Variants in SMIM45 observed in about 807,000 individuals in gnomAD.
SMIM45 encodes the protein small integral membrane protein 45, also known as long intergenic non-protein coding RNA 634.
chr22:41,947,840 G>C, the SMIM45 span, among the ~76,000 whole-genome samples: 1 of 152,026 alleles, frequency 6.6e-6, no homozygotes. Flanking sequence ...TGGCCATGTT[G>C]CCCAGGTGGG....
At chr22:41,950,078 C>A in the SMIM45 span, among the ~76,000 whole-genome samples, 1 of 151,532 alleles carries the variant, frequency 6.6e-6, no homozygotes, top group Non-Finnish European at 1.5e-5. Context: ...CCCCCACCCC[C>A]ACCCAACCAT....
the SMIM45 span, chr22:41,952,130 T>A: frequency 6.6e-6 from 1 of 152,364 alleles, no homozygotes. Context: ...ATCCTGAGAG[T>A]GGGGGCTAGG....
the SMIM45 span, among the ~76,000 whole-genome samples, chr22:41,950,433 C>T: frequency 3.3e-5 from 5 of 152,358 alleles, no homozygotes; most frequent in South Asian, 2.1e-4. Flanking sequence ...GGTGGTGGCT[C>T]ACGCCTGTAA....
chr22:41,954,945 G>A, the SMIM45 span, among the ~76,000 whole-genome samples: 2 of 151,948 alleles, frequency 1.3e-5, no homozygotes, highest in Non-Finnish European at 2.9e-5. Context: ...TGGAGCTTGC[G>A]GTGAGCCGAG....
At chr22:41,951,167 G>A in the SMIM45 span, among the ~76,000 whole-genome samples, 1 of 152,240 alleles carries the variant, frequency 6.6e-6, no homozygotes, top group Non-Finnish European at 1.5e-5. Context: ...AGGTTTCTGG[G>A]AACGGATTCC....
chr22:41,949,999 G>A, the SMIM45 span, among the ~76,000 whole-genome samples: 1 of 151,692 alleles, frequency 6.6e-6, no homozygotes, highest in African/African-American at 2.4e-5. Context: ...ATCGGCTTCT[G>A]TGGAGCCCTG....
At chr22:41,947,157 C>G in the SMIM45 span, 2 of 1,373,826 alleles carry the variant, frequency 1.5e-6, no homozygotes, top group Non-Finnish European at 1.0e-6. Flanking sequence ...TAGAGCGCGG[C>G]CTGGGGGCAC....
chr22:41,953,947 T>A, the SMIM45 span, among the ~76,000 whole-genome samples: 1 of 149,764 alleles, frequency 6.7e-6, no homozygotes, highest in African/African-American at 2.5e-5. Flanking sequence ...AGACGGGGTT[T>A]CACCGTGTTA....
chr22:41,958,696 G>A, the SMIM45 span: 3 of 243,212 alleles, frequency 1.2e-5, no homozygotes, highest in Non-Finnish European at 1.7e-5. Context: ...CCCCAAGACT[G>A]TGGCAGCAGG....
chr22:41,956,530 A>G, the SMIM45 span, among the ~76,000 whole-genome samples: 1 of 152,224 alleles, frequency 6.6e-6, no homozygotes, highest in African/African-American at 2.4e-5. Flanking sequence ...TCTCAGGGGC[A>G]GGTGCTGGCA....
At chr22:41,958,035 G>A in the SMIM45 span, 3 of 225,072 alleles carry the variant, frequency 1.3e-5, no homozygotes, top group African/African-American at 5.5e-5. Context: ...GGGCCCTCCC[G>A]ACAGAGGCCC....
chr22:41,952,998 T>C, the SMIM45 span, among the ~76,000 whole-genome samples: 1 of 152,084 alleles, frequency 6.6e-6, no homozygotes, highest in Non-Finnish European at 1.5e-5. Flanking sequence ...TCCTGCACTC[T>C]CTCCAGCTCC....
chr22:41,947,032 C>A, the SMIM45 span: 3 of 1,612,774 alleles, frequency 1.9e-6, no homozygotes, highest in Non-Finnish European at 2.5e-6. Flanking sequence ...AGATGGTGGC[C>A]GTGTTCAGGC....
chr22:41,953,343 T>C, the SMIM45 span, among the ~76,000 whole-genome samples: 11 of 151,944 alleles, frequency 7.2e-5, no homozygotes, highest in African/African-American at 2.2e-4. Flanking sequence ...TGGAGTTCTT[T>C]CCATCCATCC....
chr22:41,954,123 G>A, the SMIM45 span, among the ~76,000 whole-genome samples: 33,998 of 150,834 alleles, frequency 0.23, 4,144 homozygotes, highest in African/African-American at 0.28. Context: ...TAGTAAGTTT[G>A]TTCTTATTCT....
At chr22:41,946,987 A>C in the SMIM45 span, 1 of 1,610,292 alleles carries the variant, frequency 6.2e-7, no homozygotes, top group Non-Finnish European at 8.5e-7. Context: ...AGGAGGAAAA[A>C]CCGGCGGGGG....
At chr22:41,958,684 C>G in the SMIM45 span, 1 of 251,050 alleles carries the variant, frequency 4.0e-6, no homozygotes, top group African/African-American at 2.2e-5. Flanking sequence ...GCCCTTCCCC[C>G]TCCCCAAGAC....
the SMIM45 span, among the ~76,000 whole-genome samples, chr22:41,948,868 G>A: frequency 0.18 from 27,603 of 152,116 alleles, 3,193 homozygotes; most frequent in Admixed American, 0.31. Context: ...TTTGAGACCA[G>A]CCTGACCAGC....
the SMIM45 span, among the ~76,000 whole-genome samples, chr22:41,956,225 G>C: frequency 1.3e-5 from 2 of 152,116 alleles, no homozygotes; most frequent in African/African-American, 4.8e-5. Context: ...TGCCCAGGCT[G>C]GTCTCGAAGT....
Sources: allele counts gnomAD v4.1 joint callset (sites outside exome capture counted in the v4.1 genomes callset), GRCh38; gene constraint gnomAD v4.1.1; transcripts MANE v1.5; gene names NCBI Gene and HGNC (gene_info 2026-07-23, HGNC 2026-07-21).